The following PAK3 variants were observed in gnomAD, a reference collection of about 807,000 sequenced individuals.
The protein encoded by PAK3 is p21 (RAC1) activated kinase 3, also known as serine/threonine-protein kinase PAK 3.
PAK3 carries 4 observed loss-of-function variants against 41.0 expected under a neutral mutation model. That is an observed-to-expected ratio of 0.10 (90% confidence interval 0.05 to 0.22). The LOEUF (loss-of-function observed/expected upper bound fraction) is 0.22, where lower values mean the gene tolerates loss of function less well. Ranked by LOEUF, PAK3 falls within the 10% of genes least tolerant of loss-of-function variation. PAK3 has a pLI of 1.00. For synonymous variants in PAK3, 146 were observed against 139.6 expected, an observed-to-expected ratio of 1.05 and a Z score of -0.32; for missense variants, 205 against 409.9, an observed-to-expected ratio of 0.50 and a Z score of 4.32.
chrX:111,116,592 C>T lies in PAK3; in HGVS notation c.-27-6485C>T, dbSNP rs188053047. 2.7e-5 allele frequency among the ~76,000 whole-genome samples: 3 copies of T among 111,971 alleles called. No homozygotes were observed. In the East Asian group the frequency reaches 8.5e-4, roughly 32 times the overall value. On this transcript the variant is annotated intron_variant, in intron 4 of 17. Transcript: ENST00000372007. Reference sequence around the variant, plus strand: ...TATGGAGTCTGGATGCTGGATTATACCTATTGACTTCCTATTTGCAACCTG... The same window carrying T: ...TATGGAGTCTGGATGCTGGATTATATCTATTGACTTCCTATTTGCAACCTG...
intron 16 of PAK3, among the ~76,000 whole-genome samples, chrX:111,213,789 A>C (rs60311603): frequency 0.086 from 9,581 of 111,869 alleles, 956 homozygotes; most frequent in African/African-American, 0.28. Context: ...AGGAATAAAG[A>C]TGTTTGGGAG....
chrX:111,163,554 T>A lies in PAK3; in HGVS notation c.601-8T>A. On this transcript the variant is annotated splice_polypyrimidine_tract_variant and splice_region_variant and intron_variant, in intron 9 of 17. Transcript: ENST00000372007. The stretch of plus-strand genomic sequence containing the variant: ...TGTTTTAATTGCAGAGCTTTTTGGT[T>A]TTTTTAGATCTATACTCGTTCTGTG... The A allele has an allele frequency of 8.3e-7, 1 of 1,201,326 alleles. No homozygotes were observed. Among genetic ancestry groups the A allele is most frequent in the Non-Finnish European group, 1.1e-6 (1 of 886,197 alleles).
chrX:111,086,565 C>T (rs1235963477), intron 1 of PAK3, among the ~76,000 whole-genome samples: 1 of 111,133 alleles, frequency 9.0e-6, no homozygotes, highest in East Asian at 2.9e-4. Flanking sequence ...GAAAGTACAC[C>T]CTTCCCACCC....
Position 111,123,204 on chromosome X carries a change from C to T in PAK3, c.101C>T (p.Pro34Leu), listed in dbSNP as rs370566075. The T allele has an allele frequency of 1.8e-5, 22 of 1,205,484 alleles. No individual in the cohort carries two copies. Among genetic ancestry groups the T allele is most frequent in the Non-Finnish European group, 2.4e-5 (21 of 890,709 alleles). Residue 34 changes from proline to leucine, a missense_variant, in exon 5 of 18, where the codon CCA (proline) becomes CTA (leucine). By Grantham distance (98) the Pro-to-Leu change is moderately conservative. Transcript: ENST00000372007. The part of the protein sequence containing the change: ...DSSALNHSSK[P>L]LPMAPEEKNK... ...TCAGCACTCAACCACAGCTCCAAAC[C>T]ACTTCCCATGGCCCCTGAAGAGAAG...
At chrX:111,200,771 T>C (rs757134329) in intron 16 of PAK3, among the ~76,000 whole-genome samples, 7 of 112,432 alleles carry the variant, frequency 6.2e-5, no homozygotes, top group African/African-American at 1.9e-4. Context: ...TAATGAGTAA[T>C]TTACAGCCTG....
Position 111,136,565 on chromosome X carries a change from C to T in PAK3, c.176-5531C>T, listed in dbSNP as rs775347402. Among the ~76,000 whole-genome samples the T allele has an allele frequency of 4.7e-4, 52 of 111,489 alleles. 1 individual carries two copies. Among genetic ancestry groups the T allele is most frequent in the Non-Finnish European group, 8.9e-4 (47 of 53,076 alleles). On this transcript the variant is annotated intron_variant, in intron 5 of 17. Transcript: ENST00000372007. ...AATGATATTTTGAAACTCAAATCTG[C>T]TATTATTGCCTTGTTTCAATATTCC...
chrX:111,052,782 T>C (rs972172722), intron 1 of PAK3, among the ~76,000 whole-genome samples: 5 of 112,435 alleles, frequency 4.4e-5, no homozygotes, highest in African/African-American at 1.3e-4. Flanking sequence ...CTTAAGTTGA[T>C]GCAATAGCAA....
chrX:111,042,178 G>A (rs756403368), intron 1 of PAK3, among the ~76,000 whole-genome samples: 26 of 111,573 alleles, frequency 2.3e-4, no homozygotes, highest in Middle Eastern at 4.6e-3. Context: ...TGGTACCCTC[G>A]AATAGTTCTT....
At chrX:111,108,646 C>T (rs190902737) in intron 4 of PAK3, among the ~76,000 whole-genome samples, 1 of 112,568 alleles carries the variant, frequency 8.9e-6, no homozygotes, top group East Asian at 2.8e-4. Flanking sequence ...CATTCCAAAA[C>T]CACCCCATTG....
chrX:111,151,817 C>T (rs945909952), intron 7 of PAK3, among the ~76,000 whole-genome samples: 1 of 111,708 alleles, frequency 9.0e-6, no homozygotes, highest in African/African-American at 3.3e-5. Flanking sequence ...GGGTACATGA[C>T]TACAAGCACT....
intron 1 of PAK3, among the ~76,000 whole-genome samples, chrX:111,076,309 C>T (rs1014972869): frequency 8.9e-6 from 1 of 111,823 alleles, no homozygotes; most frequent in African/African-American, 3.3e-5. Flanking sequence ...GGAGGTGAGA[C>T]CTGTTGGGAG....
intron 16 of PAK3, among the ~76,000 whole-genome samples, chrX:111,215,284 C>T (rs748803181): frequency 1.6e-4 from 18 of 111,553 alleles, no homozygotes; most frequent in Non-Finnish European, 3.0e-4. Context: ...TTCAGCTGGG[C>T]GCAGTGGCTC....
chrX:111,108,137 G>C (rs2093307637), intron 4 of PAK3, among the ~76,000 whole-genome samples: 1 of 112,098 alleles, frequency 8.9e-6, no homozygotes, highest in South Asian at 3.7e-4. Context: ...TGGTCTGTAG[G>C]CTCCAAAGGT....
At chrX:111,174,509 A>G (rs1341545180) in intron 11 of PAK3, among the ~76,000 whole-genome samples, 10 of 111,791 alleles carry the variant, frequency 8.9e-5, no homozygotes, top group Admixed American at 2.9e-4. Flanking sequence ...TATGGTCTCT[A>G]GAAGCTTCCT....
intron 11 of PAK3, among the ~76,000 whole-genome samples, chrX:111,184,432 G>T (rs1229597956): frequency 1.8e-5 from 2 of 108,890 alleles, no homozygotes; most frequent in African/African-American, 6.7e-5. Flanking sequence ...TTAAGTTCTG[G>T]GATACGTGTG....
intron 1 of PAK3, among the ~76,000 whole-genome samples, chrX:111,040,044 A>T (rs1046537812): frequency 1.3e-4 from 14 of 109,488 alleles, no homozygotes; most frequent in African/African-American, 4.6e-4. Flanking sequence ...AGAAAAAAAA[A>T]TGTCTCCAAG....
At chrX:110,998,060 G>T (rs2091774336) in intron 1 of PAK3, among the ~76,000 whole-genome samples, 2 of 111,863 alleles carry the variant, frequency 1.8e-5, no homozygotes, top group Admixed American at 1.9e-4. Flanking sequence ...GACCAAGACA[G>T]ATGCCCATTA....
In PAK3 at chrX:110,952,447, G is replaced by A. The variant is rs190637026; in HGVS notation, c.-28+7819G>A. Among the ~76,000 whole-genome samples, 125 of 111,491 alleles carry A rather than the reference G, an allele frequency of 1.1e-3. 1 individual carries two copies. The East Asian group carries it at 0.02, about 18-fold the overall frequency. ...CCAAGAGTTGGACACTGCTGGAAAA[G>A]GATCCTGGCATACCTCCTAATACTT... On this transcript the variant is annotated intron_variant, in intron 1 of 14. Transcript: ENST00000425146.
At chrX:111,099,703 G>A (rs1290325627) in intron 3 of PAK3, among the ~76,000 whole-genome samples, 2 of 101,479 alleles carry the variant, frequency 2.0e-5, no homozygotes, top group Non-Finnish European at 4.0e-5. Context: ...TGGAGGGCTA[G>A]GGCCTGGTCT....
Sources: allele counts gnomAD v4.1 joint callset (sites outside exome capture counted in the v4.1 genomes callset), GRCh38; gene constraint gnomAD v4.1.1; transcripts MANE v1.5; gene names NCBI Gene and HGNC (gene_info 2026-07-23, HGNC 2026-07-21).